NARS1: variants seen among roughly 807,000 people sequenced by gnomAD.
NARS1 encodes the protein asparaginyl-tRNA synthetase 1, also known as asparagine--tRNA ligase, cytoplasmic.
In NARS1, 65 loss-of-function variants were observed where a neutral mutation model predicts 79.2. The observed-to-expected ratio is 0.82, with a 90% CI of 0.67 to 1.01. The LOEUF is 1.01. Among genes scored for constraint, NARS1 ranks in the 50% least tolerant of loss-of-function variants. NARS1 has a pLI of 0.00. For synonymous variants in NARS1, 229 were observed against 238.8 expected, an observed-to-expected ratio of 0.96 and a Z score of 0.38; for missense variants, 649 against 673.8, an observed-to-expected ratio of 0.96 and a Z score of 0.41.
chr18:57,614,308 C>T (rs959218475), intron 4 of NARS1, among the ~76,000 whole-genome samples: 1 of 152,056 alleles, frequency 6.6e-6, no homozygotes, highest in African/African-American at 2.4e-5. Flanking sequence ...TGAGACTAGT[C>T]TGGCCAACAC....
At chr18:57,604,200 T>G (rs1192022933) in intron 11 of NARS1, among the ~76,000 whole-genome samples, 1 of 152,230 alleles carries the variant, frequency 6.6e-6, no homozygotes, top group Non-Finnish European at 1.5e-5. Context: ...TACTAAGTAT[T>G]AGGAACACTA....
chr18:57,603,870 G>A (rs1296575299), intron 11 of NARS1, among the ~76,000 whole-genome samples: 1 of 135,108 alleles, frequency 7.4e-6, no homozygotes, highest in African/African-American at 2.7e-5. Flanking sequence ...ATTTAGTTAG[G>A]GGAAAACAGG....
chr18:57,605,120 A>AG (rs2051541799), intron 11 of NARS1, among the ~76,000 whole-genome samples: 2 of 24,068 alleles, frequency 8.3e-5, no homozygotes, highest in African/African-American at 2.0e-4. Context: ...TACATTCTCC[A>AG]GAAAAAAAAA....
At chr18:57,617,442 G>A (rs576661567) in intron 2 of NARS1, among the ~76,000 whole-genome samples, 17 of 151,214 alleles carry the variant, frequency 1.1e-4, no homozygotes, top group Non-Finnish European at 2.1e-4. Flanking sequence ...TGTGGTGGCG[G>A]GCACCTGTAG....
chr18:57,606,591 T>C, intron 10 of NARS1, 25 bp downstream of exon 10: 1 of 1,586,746 alleles, frequency 6.3e-7, no homozygotes, highest in Non-Finnish European at 8.6e-7. Flanking sequence ...CTGTGACTTT[T>C]TCTTTCCATA....
chr18:57,610,737 G>C (rs1237806279), intron 6 of NARS1, among the ~76,000 whole-genome samples: 1 of 152,138 alleles, frequency 6.6e-6, no homozygotes, highest in Non-Finnish European at 1.5e-5. Context: ...GGTGGGGAGA[G>C]GGGGCGGGTT....
chr18:57,602,267 C>T, intron 13 of NARS1, 88 bp downstream of exon 13: 3 of 1,251,918 alleles, frequency 2.4e-6, no homozygotes, highest in South Asian at 1.4e-5. Flanking sequence ...CAAAGTACTA[C>T]CCTGAATTCT....
intron 2 of NARS1, among the ~76,000 whole-genome samples, chr18:57,618,428 G>C (rs1222590091): frequency 6.6e-6 from 1 of 152,094 alleles, no homozygotes; most frequent in African/African-American, 2.4e-5. Flanking sequence ...CATTGAAATT[G>C]AAAGAGCCAA....
intron 11 of NARS1, among the ~76,000 whole-genome samples, chr18:57,604,699 G>A (rs572965869): frequency 3.4e-4 from 52 of 152,186 alleles, no homozygotes; most frequent in African/African-American, 1.2e-3. Context: ...AGACCAGCCC[G>A]GGCAACATAG....
At chr18:57,608,056 C>T (rs187935607) in intron 7 of NARS1, among the ~76,000 whole-genome samples, 299 of 151,828 alleles carry the variant, frequency 2.0e-3, no homozygotes, top group Non-Finnish European at 3.5e-3. Flanking sequence ...TTAGTAGAGA[C>T]GGGGTTTCAC....
In NARS1 at chr18:57,602,480, C is replaced by A. The variant is rs756870135; in HGVS notation, c.1390G>T (p.Val464Leu). The change falls in exon 13 of 14, where the codon GTG becomes TTG. Residue 464 changes from valine (V) to leucine (L), a missense_variant. Coordinates refer to ENST00000256854, the MANE Select transcript of NARS1 (RefSeq NM_004539.4). Reference sequence around the variant, plus strand: ...ATCTCACCAACATTGGGCATCAACACGTCGACCTTTAAATATAAGTGAAAG... The same window carrying A: ...ATCTCACCAACATTGGGCATCAACAAGTCGACCTTTAAATATAAGTGAAAG... ...EDSRLTESVD[V>L]LMPNVGEIVG... is the part of the protein sequence containing the mutation. 1 of 1,613,788 alleles carries A rather than the reference C, an allele frequency of 6.2e-7. No homozygotes were observed.
intron 12 of NARS1, 50 bp downstream of exon 12, chr18:57,602,762 C>A: frequency 6.3e-7 from 1 of 1,589,724 alleles, no homozygotes. Context: ...TGACAGTCCC[C>A]ACCCCCTTAA....
chr18:57,615,186 T>G (rs561473285), intron 4 of NARS1, among the ~76,000 whole-genome samples: 1 of 141,096 alleles, frequency 7.1e-6, no homozygotes, highest in African/African-American at 2.7e-5. Context: ...TAAATTAAAA[T>G]TTAAAATTAA....
chr18:57,612,434 T>G (rs2051611715), intron 5 of NARS1, among the ~76,000 whole-genome samples: 1 of 152,178 alleles, frequency 6.6e-6, no homozygotes, highest in Non-Finnish European at 1.5e-5. Flanking sequence ...TTTTGTCCCC[T>G]CCACCGTCGC....
chr18:57,608,632 C>A (rs1568164198), intron 7 of NARS1, among the ~76,000 whole-genome samples: 1 of 152,016 alleles, frequency 6.6e-6, no homozygotes, highest in Admixed American at 6.6e-5. Flanking sequence ...TCATTGTATT[C>A]TTTTTATCAC....
chr18:57,618,120 TA>T (rs199797842), intron 2 of NARS1, among the ~76,000 whole-genome samples: 3,481 of 120,938 alleles, frequency 0.029, 101 homozygotes, highest in African/African-American at 0.093. Flanking sequence ...CTACTAGAAA[TA>T]AAAAAAAAAA....
rs201003764 is a variant in NARS1, at chr18:57,601,687, A to G, written c.1612T>C (p.Leu538=). Residue 538 remains leucine (L), a synonymous_variant, in exon 14 of 14, where the codon TTA becomes CTA. Transcript: ENST00000256854. Reference sequence around the variant, plus strand: ...CAACGCTGGACAAATCGAGGGTATAAGCACACGTCTCGGATGTGATACCTA... The same window carrying G: ...CAACGCTGGACAAATCGAGGGTATAGGCACACGTCTCGGATGTGATACCTA... ...LNRYHIRDVC[L]YPRFVQRCTP is the part of the protein sequence containing the mutation. 3.3e-4 allele frequency: 533 copies of G among 1,614,092 alleles called. 1 individual carries two copies. The Middle Eastern group carries it at 5.3e-3, about 16-fold the overall frequency.
chr18:57,611,065 C>A (rs1354059246), intron 6 of NARS1, among the ~76,000 whole-genome samples: 1 of 150,478 alleles, frequency 6.6e-6, no homozygotes, highest in East Asian at 2.0e-4. Flanking sequence ...CTCCCTGGCT[C>A]AAGAGATCCT....
At chr18:57,613,936 T>C (rs953375832) in intron 4 of NARS1, among the ~76,000 whole-genome samples, 2 of 152,212 alleles carry the variant, frequency 1.3e-5, no homozygotes, top group Non-Finnish European at 2.9e-5. Context: ...ATTTCAGATA[T>C]TGCTAGATAA....
Sources: gnomAD v4.1 joint callset for allele counts (sites outside exome capture counted in the v4.1 genomes callset) on GRCh38, gnomAD v4.1.1 for gene constraint, MANE v1.5 for transcripts, NCBI Gene and HGNC (gene_info 2026-07-23, HGNC 2026-07-21) for gene names.